Variants in ZNF500 observed in about 807,000 individuals in gnomAD.
The protein encoded by ZNF500 is zinc finger protein with KRAB and SCAN domains 18.
ZNF500 carries 31 observed loss-of-function variants against 30.1 expected under a neutral mutation model. The observed-to-expected ratio is 1.03, with a 90% CI of 0.77 to 1.39. The LOEUF (loss-of-function observed/expected upper bound fraction) is 1.39. ZNF500 is among the 40% of genes most tolerant of loss of function. ZNF500 has a pLI of 0.00. For synonymous variants in ZNF500, 392 were observed against 282.0 expected (o/e 1.39, Z -3.91); for missense variants, 817 against 657.8 (o/e 1.24, Z -2.65).
intron 4 of ZNF500, among the ~76,000 whole-genome samples, chr16:4,761,518 CACACACACAT>C (rs1397206667): frequency 0.012 from 1,089 of 89,984 alleles, 11 homozygotes; most frequent in African/African-American, 0.034. Flanking sequence ...CACACACACA[CACACACACAT>C]ATAAAAATTA....
At position 4,762,677 on chromosome 16, in the gene ZNF500, G is replaced by C; in HGVS notation, c.494C>G (p.Pro165Arg). Reference sequence around the variant, plus strand: ...CTCTTCCTCCAGGGACAGATCCTCTGGCTGAGCCTCTGCCTGGTGTTTTAA... The same window carrying C: ...CTCTTCCTCCAGGGACAGATCCTCTCGCTGAGCCTCTGCCTGGTGTTTTAA... ...QFLKHQAEAQ[P>R]EDLSLEEEAR... Residue 165 changes from proline (P) to arginine (R), a missense_variant, in exon 3 of 6, where the codon CCA (proline) becomes CGA (arginine). Pro to Arg is a moderately radical substitution (Grantham distance 103). Transcript: ENST00000219478. The C allele has an allele frequency of 6.2e-7, 1 of 1,614,100 alleles. No homozygotes were observed. Among genetic ancestry groups the C allele is most frequent in the Non-Finnish European group, 8.5e-7 (1 of 1,179,982 alleles).
At chr16:4,744,751 G>T, downstream of ZNF500, 2 of 1,293,046 alleles carry the variant, frequency 1.5e-6, no homozygotes, top group Non-Finnish European at 2.1e-6. Flanking sequence ...GGCGGGGGCA[G>T]TGGAGGAGCC....
chr16:4,744,902 A>G, downstream of ZNF500: 12 of 1,613,876 alleles, frequency 7.4e-6, no homozygotes, highest in Non-Finnish European at 1.0e-5. Context: ...CAACAGGCTC[A>G]TGGAACAGCT....
At chr16:4,764,089 G>C (rs1006052223) in intron 2 of ZNF500, 1 of 985,342 alleles carries the variant, frequency 1.0e-6, no homozygotes, top group Non-Finnish European at 1.2e-6. Flanking sequence ...AATGGGGCTG[G>C]AAGGAGGTGG....
downstream of ZNF500, chr16:4,747,163 T>G (rs2082028375): frequency 8.3e-7 from 1 of 1,208,424 alleles, no homozygotes; most frequent in Non-Finnish European, 1.2e-6. Context: ...ACGGCACAGC[T>G]TTCATCATCC....
Position 4,765,808 on chromosome 16 carries a change from G to C in ZNF500, c.171C>G (p.Cys57Trp), listed in dbSNP as rs766353828. 1.9e-6 allele frequency: 3 copies of C among 1,613,324 alleles called. No homozygotes were observed. The African/African-American group carries it at 4.0e-5, about 22-fold the overall frequency. ...CCCGGGGCCCAGCCACCTCCTGGTA[G>C]CAGAAGAGCCGGAAGAGCTGGCGGA... Reference protein sequence around the residue: ...ETFRQLFRLFCYQEVAGPREA... With the variant: ...ETFRQLFRLFWYQEVAGPREA... The change falls in exon 2 of 6, where the codon TGC becomes TGG. Residue 57 changes from cysteine to tryptophan, a missense_variant. Cys to Trp is a radical substitution (Grantham distance 215). Coordinates refer to ENST00000219478, the MANE Select transcript of ZNF500 (RefSeq NM_021646.4).
chr16:4,747,218 G>C, downstream of ZNF500: 7 of 1,309,934 alleles, frequency 5.3e-6, no homozygotes, highest in Non-Finnish European at 7.4e-6. Flanking sequence ...GTGATGGGCT[G>C]CCTGAATTGC....
intron 2 of ZNF500, 115 bp downstream of exon 2, chr16:4,765,450 G>A: frequency 7.0e-7 from 1 of 1,425,654 alleles, no homozygotes; most frequent in South Asian, 1.4e-5. Context: ...TCCTCAAAAG[G>A]GCTCAGGGGC....
chr16:4,762,829 C>T, intron 2 of ZNF500, 73 bp from the exon 3 acceptor site: 10 of 1,494,010 alleles, frequency 6.7e-6, no homozygotes, highest in Admixed American at 2.1e-5. Flanking sequence ...GGCCCCACAC[C>T]CCTCATCTCA....
Position 4,750,790 on chromosome 16 carries a change from C to CTTTTTTTTTT in ZNF500, c.*1576_*1585dup, listed in dbSNP as rs751974701. ...TACAAGCGTGAGCCACTGCACCTGG[C>CTTTTTTTTTT]TTTTTTTTTTTTTTTTTTTTTTTGG... On this transcript the variant is annotated 3_prime_UTR_variant, in exon 6 of 6. Transcript: ENST00000219478. 2 of 79,150 alleles carry CTTTTTTTTTT rather than the reference C, an allele frequency of 2.5e-5. No homozygotes were observed. Among genetic ancestry groups the CTTTTTTTTTT allele is most frequent in the Non-Finnish European group, 4.7e-5 (2 of 42,378 alleles). The allele number at this position is 79,150 out of a possible 1,614,324, so 4.9% of individuals were successfully genotyped here. A position where few individuals can be genotyped will look rare whatever the true frequency, so the allele number is the denominator to read the frequency against.
intron 2 of ZNF500, 95 bp from the exon 3 acceptor site, chr16:4,762,851 C>G (rs994451510): frequency 1.4e-6 from 2 of 1,468,566 alleles, no homozygotes; most frequent in Admixed American, 4.7e-5. Flanking sequence ...GCACCCCAGC[C>G]GGCTGCCCAC....
At chr16:4,746,437 G>A, downstream of ZNF500, 2 of 1,613,674 alleles carry the variant, frequency 1.2e-6, no homozygotes, top group East Asian at 2.2e-5. Context: ...CAGGGCATGA[G>A]GCTTAACGCA....
At chr16:4,753,179 G>A in intron 5 of ZNF500, 121 bp from the exon 6 acceptor site, 2 of 1,425,880 alleles carry the variant, frequency 1.4e-6, no homozygotes, top group Non-Finnish European at 9.1e-7. Context: ...ATTTAGCAGG[G>A]GCTGGGCACT....
At position 4,752,631 on chromosome 16, in the gene ZNF500, C is replaced by T; in HGVS notation, c.1188G>A (p.Leu396=). 6.2e-7 allele frequency: 1 copy of T among 1,610,420 alleles called. No homozygotes were observed. The highest frequency in any genetic ancestry group is 8.5e-7 in the Non-Finnish European group (1 of 1,178,450). ...CGKRFSQSSS[L]VIHRRTHSGE... ...CGCTGTGTGTCCTGCGGTGGATGAC[C>T]AGGCTGGAGCTCTGGCTGAAGCGCT... Residue 396 remains leucine, a synonymous_variant, in exon 6 of 6, where the codon CTG becomes CTA. Transcript: ENST00000219478.
chr16:4,757,324 T>G (rs1238771400), intron 5 of ZNF500, among the ~76,000 whole-genome samples: 2 of 152,210 alleles, frequency 1.3e-5, no homozygotes, highest in Admixed American at 6.5e-5. Flanking sequence ...ACCTAATTTG[T>G]TTTTTTGAGA....
intron 2 of ZNF500, chr16:4,762,996 A>G (rs1413700649): frequency 2.0e-6 from 2 of 985,148 alleles, no homozygotes; most frequent in African/African-American, 3.5e-5. Flanking sequence ...CTTACCCTCT[A>G]TTCCTTGGTC....
At chr16:4,760,367 G>A in intron 5 of ZNF500, 125 bp downstream of exon 5, 2 of 834,030 alleles carry the variant, frequency 2.4e-6, no homozygotes, top group Non-Finnish European at 3.8e-6. Context: ...CAGGGATACG[G>A]GTAGCCCTGT....
At chr16:4,745,409 T>C (rs1045740303), downstream of ZNF500, among the ~76,000 whole-genome samples, 5 of 152,172 alleles carry the variant, frequency 3.3e-5, no homozygotes, top group African/African-American at 1.2e-4. Flanking sequence ...TTTCAATCTC[T>C]GTGTCTCTGT....
chr16:4,752,091 G>A lies in ZNF500; in HGVS notation c.*285C>T, dbSNP rs1596493467. Reference sequence around the variant, plus strand: ...AGCCAGCCCCACGAACACCTTGAGTGTCGGCTTCTGGCCTCCTGAGTGTGT... The same window carrying A: ...AGCCAGCCCCACGAACACCTTGAGTATCGGCTTCTGGCCTCCTGAGTGTGT... On this transcript the variant is annotated 3_prime_UTR_variant, in exon 6 of 6. Transcript: ENST00000219478. 7.6e-7 allele frequency: 1 copy of A among 1,321,882 alleles called. No individual in the cohort carries two copies. The highest frequency in any genetic ancestry group is 3.6e-5 in the Admixed American group (1 of 27,476). The allele number at this position is 1,321,882 out of a possible 1,614,324, so 81.9% of individuals were successfully genotyped here.
Sources: gnomAD v4.1 joint callset for allele counts (sites outside exome capture counted in the v4.1 genomes callset) on GRCh38, gnomAD v4.1.1 for gene constraint, MANE v1.5 for transcripts, NCBI Gene and HGNC (gene_info 2026-07-23, HGNC 2026-07-21) for gene names.